Variants in CFDP1 observed in about 807,000 individuals in gnomAD.
The protein encoded by CFDP1 is chromatin remodeling protein CFDP1.
Under a neutral mutation model 40.1 loss-of-function variants are expected in CFDP1, and 31 were observed. That is an observed-to-expected ratio of 0.77 (90% CI 0.58 to 1.04). The LOEUF (loss-of-function observed/expected upper bound fraction) is 1.04, where lower values mean the gene tolerates loss of function less well. Among genes scored for constraint, CFDP1 ranks in the 50% least tolerant of loss-of-function variants. The pLI is 0.00. For synonymous variants in CFDP1, 167 were observed against 120.0 expected, an observed-to-expected ratio of 1.39 and a Z score of -2.56; for missense variants, 423 against 343.4, an observed-to-expected ratio of 1.23 and a Z score of -1.83.
At chr16:75,383,804 C>T (rs562023020) in intron 5 of CFDP1, among the ~76,000 whole-genome samples, 3 of 122,104 alleles carry the variant, frequency 2.5e-5, no homozygotes, top group East Asian at 4.6e-4. Context: ...GGCAAAAGAG[C>T]GAGACTCCGT....
chr16:75,312,118 T>C (rs1311064277), intron 5 of CFDP1, among the ~76,000 whole-genome samples: 2 of 152,180 alleles, frequency 1.3e-5, no homozygotes, highest in Non-Finnish European at 2.9e-5. Flanking sequence ...CTCAAATCCC[T>C]GGGCAAATTT....
chr16:75,385,006 T>C (rs975670226), intron 5 of CFDP1, among the ~76,000 whole-genome samples: 1 of 151,246 alleles, frequency 6.6e-6, no homozygotes, highest in African/African-American at 2.4e-5. Context: ...TCCCTGATCA[T>C]TGATTTTAAC....
intron 5 of CFDP1, among the ~76,000 whole-genome samples, chr16:75,310,604 A>G (rs1320297196): frequency 6.6e-6 from 1 of 152,212 alleles, no homozygotes; most frequent in East Asian, 1.9e-4. Flanking sequence ...CAGAGATATT[A>G]TGGTAACTTG....
intron 1 of CFDP1, among the ~76,000 whole-genome samples, chr16:75,430,489 G>T (rs1391207492): frequency 1.3e-5 from 2 of 151,022 alleles, no homozygotes; most frequent in African/African-American, 4.9e-5. Context: ...TTTTTAAATG[G>T]AGTCTTGCTC....
intron 5 of CFDP1, among the ~76,000 whole-genome samples, chr16:75,313,174 G>A (rs1282592860): frequency 1.3e-5 from 2 of 152,228 alleles, no homozygotes; most frequent in African/African-American, 2.4e-5. Context: ...TTTCAGAGAA[G>A]CTCTACGTTT....
intron 6 of CFDP1, among the ~76,000 whole-genome samples, chr16:75,304,060 T>TTC (rs3043650): frequency 0.11 from 17,082 of 151,122 alleles, 1,211 homozygotes; most frequent in African/African-American, 0.21. Context: ...TTCTTTTCCT[T>TTC]TCTCTCTCTC....
At chr16:75,317,128 C>T (rs2078328807) in intron 5 of CFDP1, among the ~76,000 whole-genome samples, 1 of 152,372 alleles carries the variant, frequency 6.6e-6, no homozygotes, top group South Asian at 2.1e-4. Flanking sequence ...CTCTGGCCAA[C>T]ATGGAGGCCC....
At chr16:75,308,132 A>G (rs563027024) in intron 5 of CFDP1, among the ~76,000 whole-genome samples, 1 of 152,298 alleles carries the variant, frequency 6.6e-6, no homozygotes, top group Admixed American at 6.5e-5. Flanking sequence ...GCATGCCACA[A>G]GTACTGCCTG....
intron 1 of CFDP1, among the ~76,000 whole-genome samples, chr16:75,429,810 A>T (rs982607617): frequency 2.0e-5 from 3 of 152,234 alleles, no homozygotes; most frequent in African/African-American, 7.2e-5. Context: ...TTTAGAGTCA[A>T]ATTAGCAGTG....
chr16:75,344,263 G>T (rs549130082), intron 5 of CFDP1, among the ~76,000 whole-genome samples: 7 of 152,290 alleles, frequency 4.6e-5, no homozygotes, highest in African/African-American at 1.4e-4. Context: ...AACATAAAAA[G>T]GAACCAGAGT....
At chr16:75,347,412 G>C (rs2078577215) in intron 5 of CFDP1, among the ~76,000 whole-genome samples, 1 of 151,190 alleles carries the variant, frequency 6.6e-6, no homozygotes, top group Admixed American at 6.6e-5. Flanking sequence ...AGGCGCAGTG[G>C]CTCACGCCTG....
chr16:75,376,097 G>A (rs867225327), intron 5 of CFDP1, among the ~76,000 whole-genome samples: 1 of 152,088 alleles, frequency 6.6e-6, no homozygotes, highest in African/African-American at 2.4e-5. Context: ...TGTAGTCCCA[G>A]CTACTCGAGA....
chr16:75,333,471 T>G (rs1025823703), intron 5 of CFDP1, among the ~76,000 whole-genome samples: 2 of 152,230 alleles, frequency 1.3e-5, no homozygotes, highest in Non-Finnish European at 2.9e-5. Context: ...GAGGATTATT[T>G]GCATGGCTAC....
intron 5 of CFDP1, among the ~76,000 whole-genome samples, chr16:75,313,127 G>A (rs1442633755): frequency 6.6e-6 from 1 of 152,150 alleles, no homozygotes. Context: ...AAAGAGTAAC[G>A]TGTTGTTTGT....
chr16:75,429,473 G>A (rs538368946), intron 1 of CFDP1, among the ~76,000 whole-genome samples: 1 of 152,290 alleles, frequency 6.6e-6, no homozygotes, highest in African/African-American at 2.4e-5. Flanking sequence ...GGCCAACATG[G>A]TGAAACCCCG....
chr16:75,403,924 G>C (rs1220070190), intron 4 of CFDP1, among the ~76,000 whole-genome samples: 1 of 151,988 alleles, frequency 6.6e-6, no homozygotes, highest in Non-Finnish European at 1.5e-5. Context: ...TTGAGGTCAG[G>C]AGTTGGAGAC....
chr16:75,405,088 A>G (rs2079086935), intron 4 of CFDP1, among the ~76,000 whole-genome samples: 1 of 152,212 alleles, frequency 6.6e-6, no homozygotes, highest in African/African-American at 2.4e-5. Flanking sequence ...TGACAATGTC[A>G]CAATACTCAA....
At chr16:75,409,762 G>A (rs1359905743) in intron 4 of CFDP1, among the ~76,000 whole-genome samples, 1 of 152,102 alleles carries the variant, frequency 6.6e-6, no homozygotes, top group African/African-American at 2.4e-5. Context: ...AGATATAGAT[G>A]GTGAGAGAGA....
chr16:75,385,604 G>C (rs1430297135), intron 5 of CFDP1, among the ~76,000 whole-genome samples: 1 of 152,032 alleles, frequency 6.6e-6, no homozygotes, highest in Non-Finnish European at 1.5e-5. Flanking sequence ...ATCATACCAA[G>C]AGACGAATCT....
Sources: allele counts gnomAD v4.1 joint callset (sites outside exome capture counted in the v4.1 genomes callset), GRCh38; gene constraint gnomAD v4.1.1; transcripts MANE v1.5; gene names NCBI Gene and HGNC (gene_info 2026-07-23, HGNC 2026-07-21).